ROR1: variants seen among roughly 807,000 people sequenced by gnomAD.
ROR1 encodes the protein inactive tyrosine-protein kinase transmembrane receptor ROR1.
Under a neutral mutation model 78.8 loss-of-function variants are expected in ROR1, and 19 were observed. That is an observed-to-expected ratio of 0.24 (90% CI 0.17 to 0.35). ROR1 has a LOEUF of 0.35. Among genes scored for constraint, ROR1 ranks in the 10% least tolerant of loss-of-function variants. The pLI is 1.00. For synonymous variants in ROR1, 386 were observed against 433.6 expected (o/e 0.89, Z 1.36); for missense variants, 917 against 1,177.8 (o/e 0.78, Z 3.24).
chr1:64,154,598 A>G (rs1649721496), intron 7 of ROR1, among the ~76,000 whole-genome samples: 1 of 152,192 alleles, frequency 6.6e-6, no homozygotes, highest in African/African-American at 2.4e-5. Context: ...AGAAAGGAGT[A>G]TTTTCTCCAT....
chr1:63,818,610 T>A lies in ROR1; in HGVS notation c.91+44102T>A, dbSNP rs79707407. ...GGAAAGTACAGTGCTTAGAACAATCTTTTTTTTAGGAAAAAGAGAAAATTG... is the reference window on the plus strand; with the variant it reads ...GGAAAGTACAGTGCTTAGAACAATCATTTTTTTAGGAAAAAGAGAAAATTG... On this transcript the variant is annotated intron_variant, in intron 1 of 8. Coordinates refer to ENST00000371079, the MANE Select transcript of ROR1 (RefSeq NM_005012.4). Among the ~76,000 whole-genome samples the A allele has an allele frequency of 6.5e-3, 995 of 152,212 alleles. 55 individuals carry two copies. The South Asian group carries it at 0.09, about 14-fold the overall frequency.
At chr1:64,137,825 C>G (rs905699463) in intron 5 of ROR1, among the ~76,000 whole-genome samples, 1 of 152,146 alleles carries the variant, frequency 6.6e-6, no homozygotes, top group African/African-American at 2.4e-5. Flanking sequence ...CGTCTCTGCC[C>G]TCACAGAGCT....
At chr1:64,164,786 G>A (rs1650039843) in intron 8 of ROR1, among the ~76,000 whole-genome samples, 1 of 152,072 alleles carries the variant, frequency 6.6e-6, no homozygotes, top group African/African-American at 2.4e-5. Flanking sequence ...AGGGTGTGTT[G>A]TTCCCCTCTG....
chr1:63,960,613 G>C (rs1272880749), intron 1 of ROR1, among the ~76,000 whole-genome samples: 1 of 152,200 alleles, frequency 6.6e-6, no homozygotes, highest in Non-Finnish European at 1.5e-5. Context: ...ACTTGTGTAA[G>C]TGTGTGTCAT....
intron 1 of ROR1, among the ~76,000 whole-genome samples, chr1:63,794,852 C>T (rs1644750055): frequency 6.6e-6 from 1 of 152,198 alleles, no homozygotes; most frequent in Non-Finnish European, 1.5e-5. Flanking sequence ...GGGTCCAGAA[C>T]ATTATCCATT....
intron 1 of ROR1, among the ~76,000 whole-genome samples, chr1:63,935,152 C>T (rs1645784697): frequency 6.6e-6 from 1 of 151,656 alleles, no homozygotes; most frequent in Admixed American, 6.6e-5. Flanking sequence ...CCTCCCCTGC[C>T]AACACCACCA....
At chr1:64,118,144 A>G (rs1557660712) in intron 4 of ROR1, among the ~76,000 whole-genome samples, 2 of 152,206 alleles carry the variant, frequency 1.3e-5, no homozygotes, top group Admixed American at 6.5e-5. Flanking sequence ...TCAAGGTTGC[A>G]GTGAGCTGTG....
intron 1 of ROR1, among the ~76,000 whole-genome samples, chr1:63,896,993 G>A (rs150250281): frequency 6.6e-5 from 10 of 152,296 alleles, no homozygotes; most frequent in Non-Finnish European, 1.3e-4. Flanking sequence ...GTATGGGAAT[G>A]CTTTGTAAAC....
chr1:64,165,998 G>T (rs1012674616), intron 8 of ROR1, among the ~76,000 whole-genome samples: 2 of 152,068 alleles, frequency 1.3e-5, no homozygotes, highest in Non-Finnish European at 2.9e-5. Context: ...GAGCCACTAG[G>T]GTTTTACATT....
chr1:64,050,738 C>A, intron 4 of ROR1, 22 bp downstream of exon 4: 3 of 1,611,424 alleles, frequency 1.9e-6, no homozygotes, highest in Non-Finnish European at 2.5e-6. Context: ...TATCTCCTTT[C>A]TTGTCATTTC....
intron 1 of ROR1, among the ~76,000 whole-genome samples, chr1:63,968,226 C>G (rs1438037434): frequency 1.3e-5 from 2 of 152,032 alleles, no homozygotes; most frequent in African/African-American, 4.8e-5. Context: ...GTGACTATAA[C>G]AATTTTATTT....
At chr1:64,168,792 A>C (rs976604222) in intron 8 of ROR1, among the ~76,000 whole-genome samples, 1 of 152,254 alleles carries the variant, frequency 6.6e-6, no homozygotes. Flanking sequence ...AAATTGCCCA[A>C]CTAGGTTCAT....
intron 4 of ROR1, among the ~76,000 whole-genome samples, chr1:64,074,262 A>G (rs1428285504): frequency 6.6e-6 from 1 of 152,222 alleles, no homozygotes; most frequent in African/African-American, 2.4e-5. Context: ...TGTCAGTTAC[A>G]TAAGCCTATA....
At chr1:64,001,827 A>G (rs1307002216) in intron 1 of ROR1, among the ~76,000 whole-genome samples, 1 of 152,206 alleles carries the variant, frequency 6.6e-6, no homozygotes, top group African/African-American at 2.4e-5. Context: ...CCCAGTCCAC[A>G]GGGCCCATAT....
chr1:64,024,447 C>G (rs1023898670), intron 2 of ROR1, among the ~76,000 whole-genome samples: 5 of 152,188 alleles, frequency 3.3e-5, no homozygotes, highest in Middle Eastern at 3.4e-3. Flanking sequence ...CACCACTGCA[C>G]TCCAGCCTGG....
chr1:63,807,094 T>A (rs1242341356), intron 1 of ROR1, among the ~76,000 whole-genome samples: 1 of 152,170 alleles, frequency 6.6e-6, no homozygotes, highest in Non-Finnish European at 1.5e-5. Flanking sequence ...TTTGAGAGCA[T>A]CTGACCCTAA....
intron 1 of ROR1, among the ~76,000 whole-genome samples, chr1:63,880,351 C>A (rs1488041940): frequency 2.0e-5 from 3 of 152,064 alleles, no homozygotes; most frequent in African/African-American, 4.8e-5. Flanking sequence ...TCTCATGGGG[C>A]CTTTTCCAGC....
intron 4 of ROR1, among the ~76,000 whole-genome samples, chr1:64,083,985 G>A (rs17126158): frequency 0.15 from 22,740 of 152,222 alleles, 1,786 homozygotes; most frequent in Middle Eastern, 0.2. Flanking sequence ...CCAAAGGACT[G>A]TGACTCTAAT....
intron 2 of ROR1, among the ~76,000 whole-genome samples, chr1:64,037,540 T>C (rs1370697405): frequency 1.3e-5 from 2 of 152,192 alleles, no homozygotes; most frequent in East Asian, 3.8e-4. Flanking sequence ...TGCTGGGAAC[T>C]GGCTAGGCTC....
Sources: gnomAD v4.1 joint callset for allele counts (sites outside exome capture counted in the v4.1 genomes callset) on GRCh38, gnomAD v4.1.1 for gene constraint, MANE v1.5 for transcripts, NCBI Gene and HGNC (gene_info 2026-07-23, HGNC 2026-07-21) for gene names.